DKK2: variants seen among roughly 807,000 people sequenced by gnomAD.
DKK2 encodes dickkopf-related protein 2.
A neutral mutation model predicts 28.1 loss-of-function variants in DKK2; 11 were observed. The ratio of observed to expected loss-of-function variants is 0.39; its 90% CI spans 0.25 to 0.65. The LOEUF (loss-of-function observed/expected upper bound fraction) is 0.65. Ranked by LOEUF, DKK2 falls within the 30% of genes least tolerant of loss-of-function variation. The pLI is 0.47. For synonymous variants in DKK2, 135 were observed against 126.5 expected (o/e 1.07, Z -0.45); for missense variants, 326 against 335.5 (o/e 0.97, Z 0.22).
At chr4:107,014,133 T>C (rs1454382357) in intron 1 of DKK2, among the ~76,000 whole-genome samples, 10 of 151,508 alleles carry the variant, frequency 6.6e-5, no homozygotes, top group Admixed American at 6.6e-4. Context: ...ATTCCATTTC[T>C]GAGTACATAT....
chr4:106,931,613 T>C (rs1489962547), intron 1 of DKK2, among the ~76,000 whole-genome samples: 1 of 152,290 alleles, frequency 6.6e-6, no homozygotes, highest in Non-Finnish European at 1.5e-5. Context: ...TAATTTGACA[T>C]GATTAATAAA....
intron 1 of DKK2, among the ~76,000 whole-genome samples, chr4:107,033,160 T>G (rs1174953568): frequency 6.6e-6 from 1 of 152,222 alleles, no homozygotes; most frequent in Non-Finnish European, 1.5e-5. Flanking sequence ...AACCCAGTAT[T>G]TTATTTTGTT....
intron 1 of DKK2, among the ~76,000 whole-genome samples, chr4:106,977,940 TTGA>T (rs1480737726): frequency 5.9e-5 from 9 of 152,324 alleles, no homozygotes; most frequent in Admixed American, 1.3e-4. Context: ...GTCCTTTTTG[TTGA>T]TGTTGATGCT....
intron 1 of DKK2, among the ~76,000 whole-genome samples, chr4:106,954,729 G>A (rs966429987): frequency 2.6e-5 from 4 of 152,082 alleles, no homozygotes; most frequent in Non-Finnish European, 5.9e-5. Context: ...CACCATGTTA[G>A]CCAGGATGGT....
intron 1 of DKK2, among the ~76,000 whole-genome samples, chr4:107,002,752 T>C (rs1004441877): frequency 1.3e-5 from 2 of 152,226 alleles, no homozygotes; most frequent in Non-Finnish European, 2.9e-5. Flanking sequence ...TAGTTAGCAT[T>C]ACAGTAATTA....
intron 1 of DKK2, among the ~76,000 whole-genome samples, chr4:106,979,059 TTTTTTG>T (rs761049890): frequency 6.8e-6 from 1 of 147,032 alleles, no homozygotes; most frequent in Non-Finnish European, 1.5e-5. Flanking sequence ...CATTCAAAGG[TTTTTTG>T]TTTTTGTTTT....
chr4:106,998,146 C>T (rs1198011310), intron 1 of DKK2, among the ~76,000 whole-genome samples: 1 of 152,156 alleles, frequency 6.6e-6, no homozygotes, highest in Non-Finnish European at 1.5e-5. Flanking sequence ...TTGAAATATC[C>T]AAGCAAAGGG....
rs372886677 is a variant in DKK2 at position 107,021,602 on chromosome 4, T to C, written c.222+13768A>G. ...TCTCTCCACCAATCCATGTTGAGGT[T>C]ACCGCCGATTCCTACACTCCAACTT... On this transcript the variant is annotated intron_variant, in intron 1 of 3. Coordinates refer to ENST00000285311, the MANE Select transcript of DKK2 (RefSeq NM_014421.3). Among the ~76,000 whole-genome samples the C allele has an allele frequency of 5.9e-5, 9 of 151,782 alleles. 1 individual carries two copies. Among genetic ancestry groups the C allele is most frequent in the Admixed American group, 5.9e-4 (9 of 15,228 alleles).
chr4:106,932,339 C>CT lies in DKK2; in HGVS notation c.223-6391dup, dbSNP rs1724516061. ...ATTTAAATCCAAAGAAACAGTAACT[C>CT]TATCAAATGAAGGCAAGTCCTCTTT... On this transcript the variant is annotated intron_variant, in intron 1 of 3. Transcript: ENST00000285311. 2.8e-5 allele frequency among the ~76,000 whole-genome samples: 4 copies of CT among 144,818 alleles called. No homozygotes were observed. The South Asian group carries it at 8.4e-4, about 31-fold the overall frequency.
At chr4:106,972,870 C>T (rs1722887825) in intron 1 of DKK2, among the ~76,000 whole-genome samples, 1 of 152,084 alleles carries the variant, frequency 6.6e-6, no homozygotes, top group African/African-American at 2.4e-5. Context: ...GGTATTTCTC[C>T]TAATGCTATT....
At position 106,943,431 on chromosome 4, in the gene DKK2, TACTC is replaced by T. The variant is rs1004097452; in HGVS notation, c.223-17486_223-17483del. 7.9e-5 allele frequency among the ~76,000 whole-genome samples: 12 copies of T among 152,200 alleles called. No individual in the cohort carries two copies. The East Asian group carries it at 1.4e-3, about 17-fold the overall frequency. On this transcript the variant is annotated intron_variant, in intron 1 of 3. Transcript: ENST00000285311. ...GTTTGTAGCATTAAATTGACAAAAA[TACTC>T]AATTAAGAACCCATCAGGAAATGGT...
At chr4:106,930,796 T>G (rs962978550) in intron 1 of DKK2, among the ~76,000 whole-genome samples, 1 of 152,018 alleles carries the variant, frequency 6.6e-6, no homozygotes, top group African/African-American at 2.4e-5. Flanking sequence ...TGAAAAACAT[T>G]TGAGGCTAGT....
chr4:106,953,907 A>T (rs758500640), intron 1 of DKK2, among the ~76,000 whole-genome samples: 58 of 152,196 alleles, frequency 3.8e-4, no homozygotes, highest in Non-Finnish European at 7.6e-4. Flanking sequence ...TATGGTAAAA[A>T]GTCCTGCTGT....
intron 1 of DKK2, among the ~76,000 whole-genome samples, chr4:106,938,653 A>G (rs1484244791): frequency 6.6e-6 from 1 of 152,176 alleles, no homozygotes; most frequent in Non-Finnish European, 1.5e-5. Flanking sequence ...GCAGAGACAC[A>G]ACAAAAAAAT....
intron 1 of DKK2, among the ~76,000 whole-genome samples, chr4:106,999,507 C>T (rs546864967): frequency 3.3e-5 from 5 of 152,006 alleles, no homozygotes; most frequent in African/African-American, 7.3e-5. Flanking sequence ...CCACCATGCC[C>T]GGCTAATTTT....
intron 1 of DKK2, among the ~76,000 whole-genome samples, chr4:106,937,929 A>G (rs1027123202): frequency 6.6e-6 from 1 of 150,932 alleles, no homozygotes; most frequent in African/African-American, 2.4e-5. Flanking sequence ...ACGAGAACAA[A>G]CACACAACAT....
intron 1 of DKK2, among the ~76,000 whole-genome samples, chr4:106,958,994 T>A (rs2110349648): frequency 6.6e-6 from 1 of 152,074 alleles, no homozygotes; most frequent in East Asian, 1.9e-4. Context: ...ATTCCTTAGA[T>A]AAAACAAAAT....
At chr4:106,963,549 T>G (rs1329318474) in intron 1 of DKK2, among the ~76,000 whole-genome samples, 1 of 152,156 alleles carries the variant, frequency 6.6e-6, no homozygotes, top group East Asian at 1.9e-4. Context: ...CTGGTGAGGA[T>G]GTGAAGAGAG....
intron 1 of DKK2, among the ~76,000 whole-genome samples, chr4:106,973,876 A>G (rs1167884457): frequency 1.3e-5 from 2 of 152,108 alleles, no homozygotes; most frequent in African/African-American, 4.8e-5. Context: ...TAGCTCTTAC[A>G]TTTAACTCTT....
Sources: gnomAD v4.1 joint callset for allele counts (sites outside exome capture counted in the v4.1 genomes callset) on GRCh38, gnomAD v4.1.1 for gene constraint, MANE v1.5 for transcripts, NCBI Gene and HGNC (gene_info 2026-07-23, HGNC 2026-07-21) for gene names.